Variants in KLHL32 observed in about 807,000 individuals in gnomAD.
KLHL32 encodes the protein kelch-like protein 32.
Under a neutral mutation model 64.8 loss-of-function variants are expected in KLHL32, and 35 were observed. The observed-to-expected ratio is 0.54, with a 90% CI of 0.41 to 0.72. The LOEUF (loss-of-function observed/expected upper bound fraction) is 0.72, where lower values mean the gene tolerates loss of function less well. Among genes scored for constraint, KLHL32 ranks in the 30% least tolerant of loss-of-function variants. The pLI, the probability that KLHL32 is intolerant of heterozygous loss-of-function variation, is 0.00. For missense variants in KLHL32, 589 were observed against 768.5 expected, an observed-to-expected ratio of 0.77 and a Z score of 2.76; for synonymous variants, 259 against 281.0, an observed-to-expected ratio of 0.92 and a Z score of 0.78.
At chr6:97,097,395 A>G (rs528564885) in intron 6 of KLHL32, among the ~76,000 whole-genome samples, 46 of 152,296 alleles carry the variant, frequency 3.0e-4, no homozygotes, top group African/African-American at 1.1e-3. Flanking sequence ...CAGTTTGCCA[A>G]GAAGGTTAAT....
intron 4 of KLHL32, among the ~76,000 whole-genome samples, chr6:97,052,723 T>G (rs192805039): frequency 1.3e-5 from 2 of 152,322 alleles, no homozygotes; most frequent in African/African-American, 4.8e-5. Flanking sequence ...AAGGTAGTAT[T>G]GACTCGATTG....
At chr6:96,963,217 T>C (rs937230345) in intron 1 of KLHL32, among the ~76,000 whole-genome samples, 3 of 152,168 alleles carry the variant, frequency 2.0e-5, no homozygotes, top group Non-Finnish European at 2.9e-5. Flanking sequence ...CTTGGCCTTA[T>C]ATACGATCCT....
chr6:96,926,094 A>T (rs764011627), intron 1 of KLHL32, among the ~76,000 whole-genome samples: 4 of 152,170 alleles, frequency 2.6e-5, no homozygotes, highest in Admixed American at 6.5e-5. Context: ...GTAACACAGT[A>T]CTTGAAGGCA....
At chr6:96,906,802 T>C in the KLHL32 span, among the ~76,000 whole-genome samples, 2 of 152,208 alleles carry the variant, frequency 1.3e-5, no homozygotes, top group South Asian at 2.1e-4. Context: ...TAATCCTTTT[T>C]AGAGCTTTTG....
rs57457444 is a variant in KLHL32 at position 96,924,801 on chromosome 6, G to GCA, written c.-257_-256dup. 0.028 allele frequency: 4,221 copies of GCA among 148,960 alleles called. 99 individuals carry two copies. The highest frequency in any genetic ancestry group is 0.058 in the African/African-American group (2,342 of 40,534). 9.2% of individuals were successfully genotyped at this position (148,960 alleles called of 1,614,324 possible). A position where few individuals can be genotyped will look rare whatever the true frequency, so the allele number is the denominator to read the frequency against. On this transcript the variant is annotated 5_prime_UTR_variant, in exon 1 of 11. Coordinates refer to ENST00000369261, the MANE Select transcript of KLHL32 (RefSeq NM_052904.4). ...CAGTCGCGCGCACACACGCACGCAGGCACACACACACACACACACACACAC... is the reference window on the plus strand; with the variant it reads ...CAGTCGCGCGCACACACGCACGCAGGCACACACACACACACACACACACACAC...
intron 3 of KLHL32, among the ~76,000 whole-genome samples, chr6:96,986,169 G>T (rs916729701): frequency 3.2e-4 from 48 of 152,190 alleles, no homozygotes; most frequent in African/African-American, 9.7e-4. Flanking sequence ...TATCACCAGT[G>T]GAGGCTGCAG....
intron 3 of KLHL32, among the ~76,000 whole-genome samples, chr6:96,986,158 G>A (rs1488415350): frequency 6.6e-6 from 1 of 152,182 alleles, no homozygotes; most frequent in African/African-American, 2.4e-5. Flanking sequence ...GTTTGCCTGG[G>A]TATCACCAGT....
At chr6:96,986,284 T>TG (rs768580346) in intron 3 of KLHL32, among the ~76,000 whole-genome samples, 58 of 151,804 alleles carry the variant, frequency 3.8e-4, no homozygotes, top group Admixed American at 5.9e-4. Context: ...CTGCCCCTAA[T>TG]GGGGGGGGCC....
chr6:97,106,577 T>C (rs1218697457), intron 6 of KLHL32, among the ~76,000 whole-genome samples: 1 of 152,072 alleles, frequency 6.6e-6, no homozygotes, highest in African/African-American at 2.4e-5. Flanking sequence ...ACCCCGTTTC[T>C]ACTAAAAATA....
chr6:96,934,632 T>C (rs1377650413), intron 1 of KLHL32, among the ~76,000 whole-genome samples: 1 of 152,248 alleles, frequency 6.6e-6, no homozygotes, highest in Non-Finnish European at 1.5e-5. Context: ...CTACTAAAAT[T>C]TGTGTATAAC....
chr6:96,946,165 T>A (rs1463164576), intron 1 of KLHL32, among the ~76,000 whole-genome samples: 1 of 149,084 alleles, frequency 6.7e-6, no homozygotes, highest in Non-Finnish European at 1.5e-5. Flanking sequence ...AAATATGAGT[T>A]TATTTAGGAA....
intron 4 of KLHL32, among the ~76,000 whole-genome samples, chr6:97,056,400 C>T (rs557502456): frequency 9.2e-5 from 14 of 152,048 alleles, no homozygotes; most frequent in African/African-American, 9.7e-5. Flanking sequence ...CCACCAGGCC[C>T]GGCCCACCAG....
intron 3 of KLHL32, among the ~76,000 whole-genome samples, chr6:96,985,253 A>T (rs1051734302): frequency 2.0e-5 from 3 of 152,166 alleles, no homozygotes; most frequent in African/African-American, 7.2e-5. Flanking sequence ...TGTTAGTCTG[A>T]TGGGCTTCCC....
In KLHL32 at chr6:97,014,089, G is replaced by A. The variant is rs575386023; in HGVS notation, c.205-27403G>A. ...TGGGAGGCCGTGGCGGGCGGATCAC[G>A]AGGTCAGGAGATCAAGACCACGGTG... On this transcript the variant is annotated intron_variant, in intron 3 of 10. Transcript: ENST00000369261. Among the ~76,000 whole-genome samples, 12 of 152,022 alleles carry A rather than the reference G, an allele frequency of 7.9e-5. No homozygotes were observed. The South Asian group carries it at 2.5e-3, about 32-fold the overall frequency.
intron 3 of KLHL32, among the ~76,000 whole-genome samples, chr6:97,018,594 C>T (rs1332244904): frequency 1.1e-4 from 15 of 135,066 alleles, no homozygotes; most frequent in Non-Finnish European, 2.0e-4. Flanking sequence ...GAGCAAGACT[C>T]AGTCTCAAAA....
chr6:97,003,641 T>G (rs1040786132), intron 3 of KLHL32, among the ~76,000 whole-genome samples: 3 of 152,240 alleles, frequency 2.0e-5, no homozygotes, highest in Non-Finnish European at 4.4e-5. Context: ...CATTTAGCTT[T>G]AATCCATCTT....
At chr6:96,968,384 AC>A (rs1431956136) in intron 2 of KLHL32, among the ~76,000 whole-genome samples, 1 of 151,596 alleles carries the variant, frequency 6.6e-6, no homozygotes, top group African/African-American at 2.4e-5. Context: ...AAAAACAAAA[AC>A]AAAAACAAAA....
intron 1 of KLHL32, among the ~76,000 whole-genome samples, chr6:96,932,564 TC>T (rs34910862): frequency 0.28 from 32,051 of 114,232 alleles, 5,422 homozygotes; most frequent in African/African-American, 0.48. Context: ...GTTGTCAATT[TC>T]CCCCCCCCCC....
chr6:96,987,261 G>GTGTTTGCTC (rs1160389879), intron 3 of KLHL32, among the ~76,000 whole-genome samples: 27 of 152,108 alleles, frequency 1.8e-4, no homozygotes, highest in African/African-American at 6.0e-4. Context: ...GCTTTTGAAT[G>GTGTTTGCTC]TGTTTGCTCT....
Sources: gnomAD v4.1 joint callset for allele counts (sites outside exome capture counted in the v4.1 genomes callset) on GRCh38, gnomAD v4.1.1 for gene constraint, MANE v1.5 for transcripts, NCBI Gene and HGNC (gene_info 2026-07-23, HGNC 2026-07-21) for gene names.